MICU3: variants seen among roughly 807,000 people sequenced by gnomAD.
MICU3 encodes mitochondrial calcium uptake 3.
In MICU3, 62 loss-of-function variants were observed where a neutral mutation model predicts 66.5. The observed-to-expected ratio is 0.93, with a 90% CI of 0.76 to 1.15. MICU3 has a LOEUF of 1.15. MICU3 is among the 50% of genes most tolerant of loss of function. The pLI, the probability that MICU3 is intolerant of heterozygous loss-of-function variation, is 0.00. For synonymous variants in MICU3, 308 were observed against 240.7 expected (o/e 1.28, Z -2.59); for missense variants, 779 against 664.4 (o/e 1.17, Z -1.90).
the MICU3 span, among the ~76,000 whole-genome samples, chr8:17,138,092 G>A: frequency 6.6e-6 from 1 of 151,948 alleles, no homozygotes; most frequent in Non-Finnish European, 1.5e-5. Context: ...TATTAAGATG[G>A]TAAAAATGCT....
chr8:17,129,814 CCACATCTGTT>C, the MICU3 span, among the ~76,000 whole-genome samples: 1 of 152,136 alleles, frequency 6.6e-6, no homozygotes, highest in South Asian at 2.1e-4. Context: ...CCAAACAAAC[CCACATCTGTT>C]CATATCCTAA....
intron 13 of MICU3, among the ~76,000 whole-genome samples, chr8:17,118,075 T>C (rs1802853492): frequency 6.6e-6 from 1 of 152,230 alleles, no homozygotes; most frequent in South Asian, 2.1e-4. Flanking sequence ...TTTTAGGTGA[T>C]GCCAGAAGTA....
chr8:17,076,004 T>C (rs574251528), intron 3 of MICU3, among the ~76,000 whole-genome samples: 2 of 152,230 alleles, frequency 1.3e-5, no homozygotes, highest in East Asian at 3.9e-4. Flanking sequence ...TATGTAAAAT[T>C]TATTCAGAAT....
chr8:17,046,424 A>C (rs1378715354), intron 1 of MICU3, among the ~76,000 whole-genome samples: 2 of 152,218 alleles, frequency 1.3e-5, no homozygotes, highest in Non-Finnish European at 2.9e-5. Context: ...AGCGTTTACA[A>C]ACAAATACCT....
At chr8:17,068,500 G>C (rs1018058675) in intron 2 of MICU3, among the ~76,000 whole-genome samples, 1 of 152,034 alleles carries the variant, frequency 6.6e-6, no homozygotes, top group Non-Finnish European at 1.5e-5. Context: ...AATACTATTT[G>C]TATTGTTCTG....
intron 9 of MICU3, among the ~76,000 whole-genome samples, chr8:17,103,417 A>T (rs1433797994): frequency 2.0e-5 from 3 of 151,954 alleles, no homozygotes; most frequent in African/African-American, 7.2e-5. Context: ...AAAAAGCTAA[A>T]AACGATGTGC....
chr8:17,117,015 C>G (rs915441532), intron 13 of MICU3, among the ~76,000 whole-genome samples: 2 of 152,090 alleles, frequency 1.3e-5, no homozygotes, highest in African/African-American at 4.8e-5. Flanking sequence ...TCTCACTCTG[C>G]CACCCAAGCT....
intron 3 of MICU3, among the ~76,000 whole-genome samples, chr8:17,072,977 G>C (rs1819830885): frequency 6.6e-6 from 1 of 151,874 alleles, no homozygotes; most frequent in Non-Finnish European, 1.5e-5. Flanking sequence ...TCCATCTTCT[G>C]CCTCCTGGGC....
At chr8:17,125,028 G>GA (rs199946245), downstream of MICU3, among the ~76,000 whole-genome samples, 363 of 151,614 alleles carry the variant, frequency 2.4e-3, 3 homozygotes, top group Non-Finnish European at 2.8e-3. Context: ...TTCATTTCTG[G>GA]AAAAAAAATG....
At chr8:17,082,811 G>A (rs1821395062) in intron 5 of MICU3, among the ~76,000 whole-genome samples, 1 of 152,096 alleles carries the variant, frequency 6.6e-6, no homozygotes, top group Non-Finnish European at 1.5e-5. Flanking sequence ...TCTTAACTTT[G>A]TAACTTAGCG....
chr8:17,097,329 A>T (rs973017349), intron 8 of MICU3, among the ~76,000 whole-genome samples: 2 of 151,778 alleles, frequency 1.3e-5, no homozygotes, highest in African/African-American at 4.8e-5. Context: ...TAAAGCTTAT[A>T]TTATTATAAA....
At chr8:17,095,341 A>G (rs1240121643) in intron 8 of MICU3, among the ~76,000 whole-genome samples, 1 of 151,868 alleles carries the variant, frequency 6.6e-6, no homozygotes, top group Non-Finnish European at 1.5e-5. Flanking sequence ...GATTGTATTC[A>G]GTTTTCTTTT....
chr8:17,044,722 T>G (rs1018091056), intron 1 of MICU3, among the ~76,000 whole-genome samples: 1 of 152,214 alleles, frequency 6.6e-6, no homozygotes, highest in African/African-American at 2.4e-5. Flanking sequence ...CTCCTTACAG[T>G]TGGCCTCTAC....
intron 5 of MICU3, 92 bp from the exon 6 acceptor site, chr8:17,085,144 C>T: frequency 2.6e-6 from 2 of 767,400 alleles, no homozygotes; most frequent in East Asian, 2.5e-5. Context: ...TTAACCAATA[C>T]AGAATATGAG....
At chr8:17,126,083 T>G (rs1455814845), downstream of MICU3, among the ~76,000 whole-genome samples, 1 of 151,710 alleles carries the variant, frequency 6.6e-6, no homozygotes, top group African/African-American at 2.4e-5. Flanking sequence ...TGAAGGGTTT[T>G]CTGCTGATGT....
chr8:17,082,014 G>A, intron 5 of MICU3: 1 of 253,240 alleles, frequency 3.9e-6, no homozygotes, highest in Non-Finnish European at 7.5e-6. Flanking sequence ...AGACTCCAAA[G>A]GTCATGACAT....
At position 17,105,593 on chromosome 8, in the gene MICU3, T is replaced by C. The variant is rs1466747108; in HGVS notation, c.1257+9T>C. 6.8e-7 allele frequency: 1 copy of C among 1,476,776 alleles called. No homozygotes were observed. 91.5% of individuals were successfully genotyped at this position (1,476,776 alleles called of 1,614,324 possible). A position where few individuals can be genotyped will look rare whatever the true frequency, so the allele number is the denominator to read the frequency against. On this transcript the variant is annotated intron_variant, in intron 11 of 14. Transcript: ENST00000318063. Reference sequence around the variant, plus strand: ...GTATACCTGAAGAAAAGGTATCTAATCCTCATATTTAGTTGGTTATGTTAC... The same window carrying C: ...GTATACCTGAAGAAAAGGTATCTAACCCTCATATTTAGTTGGTTATGTTAC...
At chr8:17,092,841 A>G (rs1049393275) in intron 8 of MICU3, among the ~76,000 whole-genome samples, 5 of 152,052 alleles carry the variant, frequency 3.3e-5, no homozygotes, top group African/African-American at 1.2e-4. Flanking sequence ...TAGTTTCCAG[A>G]GTTGTAAATT....
chr8:17,027,511 G>A lies in MICU3; in HGVS notation c.232G>A (p.Val78Ile), dbSNP rs1585124091. ...SVAAAAGGGL[V>I]GLVCYQLYGD... Reference sequence around the variant, plus strand: ...GGCGGCGGCGGCCGGCGGGGGGCTGGTCGGCCTGGTATGCTACCAGCTGTA... The same window carrying A: ...GGCGGCGGCGGCCGGCGGGGGGCTGATCGGCCTGGTATGCTACCAGCTGTA... Residue 78 changes from valine to isoleucine, a missense_variant, in exon 1 of 15, where the codon GTC becomes ATC. Coordinates refer to ENST00000318063, the MANE Select transcript of MICU3 (RefSeq NM_181723.3). 1.6e-6 allele frequency: 2 copies of A among 1,283,582 alleles called. No individual in the cohort carries two copies. The highest frequency in any genetic ancestry group is 3.1e-5 in the African/African-American group (2 of 64,644). The allele number at this position is 1,283,582 out of a possible 1,614,324, so 79.5% of individuals were successfully genotyped here.
Sources: gnomAD v4.1 joint callset for allele counts (sites outside exome capture counted in the v4.1 genomes callset) on GRCh38, gnomAD v4.1.1 for gene constraint, MANE v1.5 for transcripts, NCBI Gene and HGNC (gene_info 2026-07-23, HGNC 2026-07-21) for gene names.